ADD2: variants seen among roughly 807,000 people sequenced by gnomAD.
ADD2 encodes adducin 2.
A neutral mutation model predicts 83.0 loss-of-function variants in ADD2; 23 were observed. That is an observed-to-expected ratio of 0.28 (90% confidence interval 0.20 to 0.39). ADD2 has a LOEUF of 0.39. Ranked by LOEUF, ADD2 falls within the 10% of genes least tolerant of loss-of-function variation. ADD2 has a pLI of 1.00. For synonymous variants in ADD2, 375 were observed against 375.4 expected (o/e 1.00, Z 0.01); for missense variants, 758 against 944.9 (o/e 0.80, Z 2.59).
In ADD2 at chr2:70,676,635, CCT is replaced by C; in HGVS notation, c.1593+159_1593+160del. The C allele has an allele frequency of 6.8e-7, 1 of 1,478,482 alleles. No individual in the cohort carries two copies. Among genetic ancestry groups the C allele is most frequent in the East Asian group, 2.5e-5 (1 of 40,126 alleles). The allele number at this position is 1,478,482 out of a possible 1,614,324, so 91.6% of individuals were successfully genotyped here. ...TGTCCTCCCTGGTCCTCACAGCACC[CCT>C]GTGAGGTTGGCCTCCATTTTGCAGC... On this transcript the variant is annotated intron_variant, in intron 13 of 15. Transcript: ENST00000264436. This position sits in a 1 kb window ranked among gnomAD's most constrained non-coding sequence, Gnocchi z 4.8.
intron 1 of ADD2, among the ~76,000 whole-genome samples, chr2:70,738,107 ATAAAT>A (rs1553380503): frequency 2.0e-5 from 3 of 152,212 alleles, no homozygotes; most frequent in African/African-American, 4.8e-5. Flanking sequence ...AATTCTTAAA[ATAAAT>A]TAAACACTAC....
chr2:70,737,340 G>C (rs1262614014), intron 1 of ADD2, among the ~76,000 whole-genome samples: 9 of 152,114 alleles, frequency 5.9e-5, no homozygotes, highest in Admixed American at 5.9e-4. Flanking sequence ...GTCCATCAAT[G>C]ATAGACTGGA....
intron 10 of ADD2, among the ~76,000 whole-genome samples, chr2:70,683,326 C>T (rs1670554081): frequency 6.6e-6 from 1 of 152,154 alleles, no homozygotes; most frequent in Admixed American, 6.5e-5. Context: ...TGCGCCCGGC[C>T]TGGACTACGA....
intron 1 of ADD2, among the ~76,000 whole-genome samples, chr2:70,758,736 G>A (rs1362472244): frequency 2.0e-5 from 3 of 152,138 alleles, no homozygotes; most frequent in African/African-American, 7.2e-5. Flanking sequence ...GGAGGTTAAG[G>A]CTGCAGTGAG....
intron 1 of ADD2, among the ~76,000 whole-genome samples, chr2:70,741,972 T>C (rs183115762): frequency 8.0e-5 from 12 of 150,752 alleles, no homozygotes; most frequent in African/African-American, 2.9e-4. Context: ...AAAATGAAGA[T>C]GTTGGACTGG....
chr2:70,694,892 C>G (rs1342221612), intron 6 of ADD2, among the ~76,000 whole-genome samples: 1 of 151,992 alleles, frequency 6.6e-6, no homozygotes, highest in Non-Finnish European at 1.5e-5. Context: ...ACCTTACGGA[C>G]AGAGCCTGTG....
intron 2 of ADD2, among the ~76,000 whole-genome samples, chr2:70,710,698 T>C (rs1179311988): frequency 2.0e-5 from 3 of 152,276 alleles, no homozygotes; most frequent in Non-Finnish European, 4.4e-5. Context: ...ATCTCAGCTG[T>C]GCCACTTATT....
chr2:70,758,515 A>C (rs1472579852), intron 1 of ADD2, among the ~76,000 whole-genome samples: 1 of 152,206 alleles, frequency 6.6e-6, no homozygotes, highest in African/African-American at 2.4e-5. Context: ...AAGGAAAAAG[A>C]GGAAAAGCAG....
At chr2:70,742,604 T>C (rs1267133577) in intron 1 of ADD2, among the ~76,000 whole-genome samples, 3 of 152,180 alleles carry the variant, frequency 2.0e-5, no homozygotes, top group African/African-American at 7.2e-5. Context: ...CTGGTACCTA[T>C]TGATTCTTCA....
Position 70,674,667 on chromosome 2 carries a change from G to A in ADD2, c.1741+11C>T. ...GACTTGGAAGCAAGGGTGTGCCTCA[G>A]GGTCATTTACCATCAAGTTCTAGTT... On this transcript the variant is annotated intron_variant, in intron 14 of 15. Transcript: ENST00000264436. 6.2e-7 allele frequency: 1 copy of A among 1,612,244 alleles called. No individual in the cohort carries two copies. The highest frequency in any genetic ancestry group is 8.5e-7 in the Non-Finnish European group (1 of 1,179,044).
intron 9 of ADD2, 72 bp from the exon 10 acceptor site, chr2:70,683,839 G>A: frequency 6.7e-7 from 1 of 1,501,144 alleles, no homozygotes; most frequent in South Asian, 1.4e-5. Context: ...GCTCCTGTAT[G>A]TGATGAGAGA....
At chr2:70,707,122 T>C (rs1270768537) in intron 2 of ADD2, among the ~76,000 whole-genome samples, 1 of 152,258 alleles carries the variant, frequency 6.6e-6, no homozygotes, top group African/African-American at 2.4e-5. Context: ...CCAATGCTTT[T>C]CTTTACAACT....
intron 1 of ADD2, among the ~76,000 whole-genome samples, chr2:70,723,406 T>TTA (rs397814817): frequency 1.2e-4 from 18 of 152,030 alleles, no homozygotes; most frequent in African/African-American, 3.1e-4. Flanking sequence ...TTTTTTTTTT[T>TTA]ATCACAGTCT....
intron 3 of ADD2, among the ~76,000 whole-genome samples, chr2:70,705,696 C>T (rs1204362850): frequency 1.3e-5 from 2 of 152,204 alleles, no homozygotes; most frequent in African/African-American, 4.8e-5. Flanking sequence ...GACTTGCCTT[C>T]CCTTCCCACA....
At chr2:70,683,048 A>G (rs567938593) in intron 10 of ADD2, among the ~76,000 whole-genome samples, 31 of 135,990 alleles carry the variant, frequency 2.3e-4, no homozygotes, top group Admixed American at 7.1e-4. Context: ...TTTGAGACAG[A>G]GTCTCACTCT....
chr2:70,685,798 G>T (rs1312001081), intron 9 of ADD2, among the ~76,000 whole-genome samples: 1 of 152,192 alleles, frequency 6.6e-6, no homozygotes, highest in Non-Finnish European at 1.5e-5. Context: ...CCACAACCTT[G>T]CAAGAGCTGC....
At chr2:70,685,930 G>A (rs1558531541) in intron 9 of ADD2, among the ~76,000 whole-genome samples, 1 of 152,202 alleles carries the variant, frequency 6.6e-6, no homozygotes, top group Non-Finnish European at 1.5e-5. Context: ...CTCTCAGCAG[G>A]GGATGACCCA....
At chr2:70,743,804 A>C (rs1674044883) in intron 1 of ADD2, among the ~76,000 whole-genome samples, 2 of 151,784 alleles carry the variant, frequency 1.3e-5, no homozygotes, top group African/African-American at 4.8e-5. Context: ...GTGGTAGATC[A>C]GAGCATACAG....
intron 2 of ADD2, among the ~76,000 whole-genome samples, chr2:70,708,446 A>T (rs1346315947): frequency 6.6e-6 from 1 of 152,232 alleles, no homozygotes; most frequent in Non-Finnish European, 1.5e-5. Flanking sequence ...AAGCTCCCTA[A>T]TCCCTAGTGA....
Sources: gnomAD v4.1 joint callset for allele counts (sites outside exome capture counted in the v4.1 genomes callset) on GRCh38, gnomAD v4.1.1 for gene constraint, Gnocchi (gnomAD v3.1) non-coding constraint, MANE v1.5 for transcripts, NCBI Gene and HGNC (gene_info 2026-07-23, HGNC 2026-07-21) for gene names.